Variants in ZNF83 observed in about 807,000 individuals in gnomAD.
ZNF83 encodes zinc finger protein 83.
For synonymous variants in ZNF83, 209 were observed against 213.0 expected, an observed-to-expected ratio of 0.98 and a Z score of 0.17; for missense variants, 552 against 629.9, an observed-to-expected ratio of 0.88 and a Z score of 1.32.
intron 2 of ZNF83, among the ~76,000 whole-genome samples, chr19:52,622,358 C>T (rs925137526): frequency 6.6e-6 from 1 of 152,132 alleles, no homozygotes; most frequent in Non-Finnish European, 1.5e-5. Context: ...TCCAATACTA[C>T]AACTTAACCT....
chr19:52,647,156 C>A (rs960995147), intron 3 of ZNF83, among the ~76,000 whole-genome samples: 12 of 152,002 alleles, frequency 7.9e-5, no homozygotes, highest in Non-Finnish European at 1.5e-4. Flanking sequence ...CTACACCACC[C>A]TGCAAAAAGG....
At chr19:52,626,658 T>C (rs1167714032) in intron 2 of ZNF83, among the ~76,000 whole-genome samples, 1 of 152,150 alleles carries the variant, frequency 6.6e-6, no homozygotes, top group Non-Finnish European at 1.5e-5. Context: ...CAAATGCTAC[T>C]TTTAACAACC....
chr19:52,631,141 G>T (rs1031308394), intron 2 of ZNF83, among the ~76,000 whole-genome samples: 2 of 145,528 alleles, frequency 1.4e-5, no homozygotes, highest in East Asian at 2.0e-4. Flanking sequence ...CTGCCGCAAG[G>T]CTTCACAGAC....
chr19:52,623,984 A>G (rs930246767), intron 2 of ZNF83, among the ~76,000 whole-genome samples: 2 of 152,004 alleles, frequency 1.3e-5, no homozygotes, highest in African/African-American at 2.4e-5. Context: ...GATCTTAAAC[A>G]TGCTTTTTTC....
chr19:52,641,238 G>C (rs147020079), upstream of ZNF83, among the ~76,000 whole-genome samples: 116 of 152,240 alleles, frequency 7.6e-4, 1 homozygote, highest in African/African-American at 2.6e-3. Context: ...TACACTCATG[G>C]TCCACAGAGT....
intron 2 of ZNF83, among the ~76,000 whole-genome samples, chr19:52,633,700 C>T (rs2061049765): frequency 6.6e-6 from 1 of 152,080 alleles, no homozygotes; most frequent in South Asian, 2.1e-4. Context: ...CACCTGAGGT[C>T]GGGAGTTTGA....
rs189035309 is a variant in ZNF83 at position 52,653,159 on chromosome 19, C to T, written c.-74+2402G>A. 667 of 1,485,422 alleles carry T rather than the reference C, an allele frequency of 4.5e-4. 2 individuals carry two copies. The highest frequency in any genetic ancestry group is 7.4e-4 in the African/African-American group (53 of 72,102). 92.0% of individuals were successfully genotyped at this position (1,485,422 alleles called of 1,614,324 possible). On this transcript the variant is annotated intron_variant, in intron 3 of 5. Transcript: ENST00000594682. ...TCATGACAGTTGTAAGGTTTTTCTC[C>T]GGTATGAAGTCTACGATGGCCCACA...
chr19:52,648,004 G>A (rs1204629778), intron 3 of ZNF83, among the ~76,000 whole-genome samples: 2 of 150,806 alleles, frequency 1.3e-5, no homozygotes, highest in Admixed American at 1.3e-4. Context: ...TGCTCTGTCT[G>A]TCCTGGCTGC....
At chr19:52,614,738 C>G in exon 3 of ZNF83, 1 of 1,317,936 alleles carries the variant, frequency 7.6e-7, no homozygotes, top group East Asian at 2.8e-5. Flanking sequence ...TGGAATATTT[C>G]TCCTGTATTA....
intron 2 of ZNF83, among the ~76,000 whole-genome samples, chr19:52,629,550 G>A (rs2060873427): frequency 2.0e-5 from 3 of 152,102 alleles, no homozygotes; most frequent in Admixed American, 2.0e-4. Context: ...ACCCGGTCCG[G>A]CTTACAGTTT....
At chr19:52,654,094 A>G in intron 3 of ZNF83, 1 of 1,603,536 alleles carries the variant, frequency 6.2e-7, no homozygotes, top group South Asian at 1.1e-5. Flanking sequence ...AAATTCGTGC[A>G]GTTCAGGCAG....
chr19:52,642,353 T>C (rs1216231293), upstream of ZNF83, among the ~76,000 whole-genome samples: 1 of 135,074 alleles, frequency 7.4e-6, no homozygotes, highest in Non-Finnish European at 1.5e-5. Flanking sequence ...ACTGCAACCT[T>C]CGCCTCTTGG....
chr19:52,629,024 A>G (rs1600183587), intron 2 of ZNF83, among the ~76,000 whole-genome samples: 2 of 150,530 alleles, frequency 1.3e-5, no homozygotes, highest in East Asian at 3.9e-4. Flanking sequence ...TGCCTCCTTC[A>G]CTATAGGCAA....
chr19:52,618,346 G>A (rs905566772), intron 2 of ZNF83, among the ~76,000 whole-genome samples: 8 of 151,242 alleles, frequency 5.3e-5, no homozygotes, highest in Non-Finnish European at 8.8e-5. Context: ...TGCAAGCTCC[G>A]TCCCCTGGGT....
intron 2 of ZNF83, chr19:52,618,693 T>G (rs886353807): frequency 6.0e-5 from 42 of 705,518 alleles, no homozygotes; most frequent in East Asian, 5.8e-4. Flanking sequence ...CACCACGCCT[T>G]GCCAGCCATA....
chr19:52,676,723 TTG>T (rs1476353878), intron 1 of ZNF83, among the ~76,000 whole-genome samples: 5 of 138,734 alleles, frequency 3.6e-5, no homozygotes, highest in African/African-American at 1.4e-4. Context: ...AATCGGATGG[TTG>T]CCGTGTCTGT....
At chr19:52,681,280 C>CAAAAAAAAAAAAAAAAA (rs56916405) in intron 1 of ZNF83, among the ~76,000 whole-genome samples, 64 of 75,422 alleles carry the variant, frequency 8.5e-4, no homozygotes, top group African/African-American at 2.3e-3. Flanking sequence ...GAGACTTTCT[C>CAAAAAAAAAAAAAAAAA]AAAAAAAAAA....
At chr19:52,615,861 G>A (rs535692595) in intron 2 of ZNF83, among the ~76,000 whole-genome samples, 21 of 152,180 alleles carry the variant, frequency 1.4e-4, no homozygotes, top group African/African-American at 5.1e-4. Context: ...TTTTTGAGAC[G>A]AAGTCTCACT....
intron 1 of ZNF83, among the ~76,000 whole-genome samples, chr19:52,683,889 T>C (rs993370175): frequency 6.6e-6 from 1 of 152,100 alleles, no homozygotes; most frequent in African/African-American, 2.4e-5. Context: ...AAGATGGTAA[T>C]TGTGCATCCT....
Sources: allele counts gnomAD v4.1 joint callset (sites outside exome capture counted in the v4.1 genomes callset), GRCh38; gene constraint gnomAD v4.1.1; transcripts MANE v1.5; gene names NCBI Gene and HGNC (gene_info 2026-07-23, HGNC 2026-07-21).